The following UBTD1 variants were observed in gnomAD, a reference collection of about 807,000 sequenced individuals.
The protein encoded by UBTD1 is ubiquitin domain containing 1.
UBTD1 carries 19 observed loss-of-function variants against 21.7 expected under a neutral mutation model. The observed-to-expected ratio is 0.87, with a 90% CI of 0.61 to 1.28. The LOEUF is 1.28. Among genes scored for constraint, UBTD1 ranks in the 50% most tolerant of loss-of-function variants. The pLI, the probability that UBTD1 is intolerant of heterozygous loss-of-function variation, is 0.00. For missense variants in UBTD1, 282 were observed against 315.1 expected (o/e 0.89, Z 0.80); for synonymous variants, 116 against 135.1 (o/e 0.86, Z 0.98).
chr10:97,511,706 A>G (rs573026715), intron 1 of UBTD1, among the ~76,000 whole-genome samples: 1 of 151,952 alleles, frequency 6.6e-6, no homozygotes, highest in Non-Finnish European at 1.5e-5. Context: ...CCCAAAATAG[A>G]CTGTCACATG....
chr10:97,505,303 G>A (rs2040393659), intron 1 of UBTD1, among the ~76,000 whole-genome samples: 1 of 152,154 alleles, frequency 6.6e-6, no homozygotes, highest in Admixed American at 6.5e-5. Context: ...CAGAAACATG[G>A]TGCAACCTAC....
At chr10:97,500,117 T>C (rs2040351309) in intron 1 of UBTD1, among the ~76,000 whole-genome samples, 1 of 152,196 alleles carries the variant, frequency 6.6e-6, no homozygotes, top group Non-Finnish European at 1.5e-5. Flanking sequence ...GATGGACCCA[T>C]CTCCTACTCT....
intron 1 of UBTD1, among the ~76,000 whole-genome samples, chr10:97,503,472 C>G (rs2040386172): frequency 6.6e-6 from 1 of 152,190 alleles, no homozygotes; most frequent in South Asian, 2.1e-4. Context: ...TTGCCCAGCT[C>G]CACCCTTTGA....
chr10:97,502,395 G>T (rs1161127296), intron 1 of UBTD1, among the ~76,000 whole-genome samples: 3 of 152,116 alleles, frequency 2.0e-5, no homozygotes. Context: ...GTTTTACGTT[G>T]TAAGACTAAT....
chr10:97,529,625 C>T (rs2040518070), intron 1 of UBTD1, among the ~76,000 whole-genome samples: 1 of 151,904 alleles, frequency 6.6e-6, no homozygotes, highest in Admixed American at 6.5e-5. Context: ...ACCAGTCAGG[C>T]GTGCAGGCAC....
At chr10:97,516,964 G>A (rs755216300) in intron 1 of UBTD1, among the ~76,000 whole-genome samples, 16 of 152,208 alleles carry the variant, frequency 1.1e-4, no homozygotes, top group Non-Finnish European at 2.2e-4. Context: ...GGGCCATGGA[G>A]GTGTGAGGAG....
At position 97,570,283 on chromosome 10, in the gene UBTD1, G is replaced by A; in HGVS notation, c.444G>A (p.Glu148=). 2 of 1,613,246 alleles carry A rather than the reference G, an allele frequency of 1.2e-6. No individual in the cohort carries two copies. The highest frequency in any genetic ancestry group is 2.7e-5 in the African/African-American group (2 of 75,048). The change falls in exon 3 of 3, where the codon GAG becomes GAA. Residue 148 remains glutamate (E), a synonymous_variant. Coordinates refer to ENST00000370664, the MANE Select transcript of UBTD1 (RefSeq NM_024954.5). The surrounding 1 kb of genome is among the most constrained non-coding windows in gnomAD (Gnocchi z 6.6). ...AGCCTCCACCCAGCGTGCGCCGTGA[G>A]TTCCCGCTGAAGGTGCGCCTGTCCA... is the stretch of plus-strand genomic sequence containing the variant. ...PPEPPPSVRR[E]FPLKVRLSTG...
chr10:97,503,741 G>A (rs557293956), intron 1 of UBTD1, among the ~76,000 whole-genome samples: 25 of 152,306 alleles, frequency 1.6e-4, no homozygotes, highest in East Asian at 5.8e-4. Flanking sequence ...GTGAACAGAC[G>A]TGGTCCTTGG....
intron 1 of UBTD1, among the ~76,000 whole-genome samples, chr10:97,517,317 G>C (rs1475354327): frequency 6.6e-6 from 1 of 152,148 alleles, no homozygotes; most frequent in Non-Finnish European, 1.5e-5. Context: ...GGAGAGCCTG[G>C]TGGTGGTGGC....
chr10:97,531,401 G>A (rs948120963), intron 1 of UBTD1, among the ~76,000 whole-genome samples: 6 of 151,630 alleles, frequency 4.0e-5, no homozygotes, highest in Non-Finnish European at 8.8e-5. Flanking sequence ...GTAGAGGTGA[G>A]GTTTCCGCCC....
intron 1 of UBTD1, among the ~76,000 whole-genome samples, chr10:97,521,042 G>T (rs1192233506): frequency 1.3e-5 from 2 of 152,184 alleles, no homozygotes; most frequent in African/African-American, 4.8e-5. Context: ...GAGATCTGCT[G>T]GGGAAGCCGG....
intron 1 of UBTD1, among the ~76,000 whole-genome samples, chr10:97,521,151 C>G (rs955382521): frequency 1.3e-5 from 2 of 152,214 alleles, no homozygotes; most frequent in African/African-American, 4.8e-5. Context: ...GTTATTTAAT[C>G]TGTAGTGTTT....
At chr10:97,563,282 GTTTT>G (rs1398960704) in intron 1 of UBTD1, among the ~76,000 whole-genome samples, 2 of 152,176 alleles carry the variant, frequency 1.3e-5, no homozygotes, top group Non-Finnish European at 2.9e-5. Context: ...CTATCCTTGA[GTTTT>G]TTATGTTGTC....
chr10:97,522,201 C>G (rs1348484630), intron 1 of UBTD1, among the ~76,000 whole-genome samples: 1 of 152,244 alleles, frequency 6.6e-6, no homozygotes, highest in African/African-American at 2.4e-5. Flanking sequence ...CAGCTGCCCA[C>G]GCAATGTGGG....
chr10:97,550,551 G>A (rs975137263), intron 1 of UBTD1, among the ~76,000 whole-genome samples: 6 of 152,122 alleles, frequency 3.9e-5, no homozygotes, highest in African/African-American at 7.2e-5. Flanking sequence ...ACCTGCTCAC[G>A]GCGCCTCGGT....
chr10:97,534,634 T>C (rs146009161), intron 1 of UBTD1, among the ~76,000 whole-genome samples: 4 of 150,260 alleles, frequency 2.7e-5, no homozygotes, highest in Non-Finnish European at 5.9e-5. Flanking sequence ...CTAAAAAAGC[T>C]AATACATGCA....
intron 1 of UBTD1, among the ~76,000 whole-genome samples, chr10:97,533,083 C>G (rs552592256): frequency 6.6e-6 from 1 of 152,194 alleles, no homozygotes; most frequent in Non-Finnish European, 1.5e-5. Context: ...GTCACCACGG[C>G]GACAAGATGC....
In UBTD1 at chr10:97,543,304, G is replaced by A. The variant is rs184307547; in HGVS notation, c.71-24610G>A. ...TGACAGCTCTGGTGAGTCATGGGCC[G>A]AGGAGGAGGAAGAGGAAGGGATGAG... On this transcript the variant is annotated intron_variant, in intron 1 of 2. Transcript: ENST00000370664. Among the ~76,000 whole-genome samples the A allele has an allele frequency of 2.5e-3, 379 of 152,310 alleles. 1 individual carries two copies. The highest frequency in any genetic ancestry group is 3.8e-3 in the Non-Finnish European group (259 of 68,014).
Position 97,570,288 on chromosome 10 carries a change from C to T in UBTD1, c.449C>T (p.Pro150Leu), listed in dbSNP as rs1190009163. The T allele has an allele frequency of 1.5e-5, 24 of 1,613,228 alleles. No individual in the cohort carries two copies. The highest frequency in any genetic ancestry group is 1.9e-5 in the Non-Finnish European group (22 of 1,179,994). Residue 150 changes from proline to leucine, a missense_variant, in exon 3 of 3, where the codon CCG (proline) becomes CTG (leucine). Transcript: ENST00000370664. The surrounding 1 kb of genome is among the most constrained non-coding windows in gnomAD (Gnocchi z 6.6). ...CCACCCAGCGTGCGCCGTGAGTTCCCGCTGAAGGTGCGCCTGTCCACGGGC... is the reference window on the plus strand; with the variant it reads ...CCACCCAGCGTGCGCCGTGAGTTCCTGCTGAAGGTGCGCCTGTCCACGGGC... ...EPPPSVRREFPLKVRLSTGKD... is the reference protein window; with the variant it reads ...EPPPSVRREFLLKVRLSTGKD...
Sources: gnomAD v4.1 joint callset for allele counts (sites outside exome capture counted in the v4.1 genomes callset) on GRCh38, gnomAD v4.1.1 for gene constraint, Gnocchi (gnomAD v3.1) non-coding constraint, MANE v1.5 for transcripts, NCBI Gene and HGNC (gene_info 2026-07-23, HGNC 2026-07-21) for gene names.